Variants in NFIX observed in about 807,000 individuals in gnomAD.
NFIX encodes the protein nuclear factor 1 X-type.
Under a neutral mutation model 53.3 loss-of-function variants are expected in NFIX, and 2 were observed. The ratio of observed to expected loss-of-function variants is 0.04; its 90% CI spans 0.02 to 0.12. The LOEUF is 0.12. Ranked by LOEUF, NFIX falls within the 10% of genes least tolerant of loss-of-function variation. NFIX has a pLI of 1.00. For missense variants in NFIX, 310 were observed against 674.5 expected (o/e 0.46, Z 5.99); for synonymous variants, 244 against 289.0 (o/e 0.84, Z 1.58).
chr19:13,029,095 G>A (rs1483568709), intron 2 of NFIX, among the ~76,000 whole-genome samples: 1 of 152,158 alleles, frequency 6.6e-6, no homozygotes, highest in Admixed American at 6.5e-5. Flanking sequence ...TAATGATGGA[G>A]AGCTTCCCAC....
At chr19:13,023,080 C>CTCTCTT (rs2013039272) in intron 1 of NFIX, among the ~76,000 whole-genome samples, 1 of 150,696 alleles carries the variant, frequency 6.6e-6, no homozygotes, top group Non-Finnish European at 1.5e-5. Context: ...TTCTCTCTCT[C>CTCTCTT]TCTCTCTCTC....
chr19:13,046,261 G>T (rs1443858637), intron 2 of NFIX, among the ~76,000 whole-genome samples: 1 of 152,174 alleles, frequency 6.6e-6, no homozygotes, highest in African/African-American at 2.4e-5. Flanking sequence ...AGTCTGTGGG[G>T]CTGGGTGAGA....
rs892663379 is a variant in NFIX, at chr19:12,996,032, G to C, written c.27+168G>C. Among the ~76,000 whole-genome samples, 4 of 151,190 alleles carry C rather than the reference G, an allele frequency of 2.6e-5. No homozygotes were observed. Among genetic ancestry groups the C allele is most frequent in the Admixed American group, 2.6e-4 (4 of 15,236 alleles). On this transcript the variant is annotated intron_variant, in intron 1 of 10. Transcript: ENST00000592199. This position sits in a 1 kb window ranked among gnomAD's most constrained non-coding sequence, Gnocchi z 5.2. The stretch of plus-strand genomic sequence containing the variant: ...GGGGAGCCCAGGCACGCGTGCGGGC[G>C]TCACCGTGCGCGTGCGACCCTGGCC...
rs928500313 is a variant in NFIX, at chr19:13,094,057, T to A, written c.1495-578T>A. On this transcript the variant is annotated intron_variant, in intron 10 of 10. Coordinates refer to ENST00000592199, the MANE Select transcript of NFIX (RefSeq NM_001365902.3). The surrounding 1 kb of genome is among the most constrained non-coding windows in gnomAD (Gnocchi z 4.3). ...CCTGAGGGTAGAGGATCCAGCACCA[T>A]GGGCTACGTGGCCCCTCCCCCAGGC... Among the ~76,000 whole-genome samples, 1 of 152,160 alleles carries A rather than the reference T, an allele frequency of 6.6e-6. No individual in the cohort carries two copies. Among genetic ancestry groups the A allele is most frequent in the African/African-American group, 2.4e-5 (1 of 41,428 alleles).
intron 2 of NFIX, among the ~76,000 whole-genome samples, chr19:13,030,659 C>T (rs1235877625): frequency 6.6e-6 from 1 of 152,154 alleles, no homozygotes; most frequent in Admixed American, 6.5e-5. Context: ...TTTTGGTAAC[C>T]ACCTCCTGGA....
intron 2 of NFIX, among the ~76,000 whole-genome samples, chr19:13,038,748 C>T (rs576488878): frequency 2.4e-4 from 37 of 152,298 alleles, no homozygotes; most frequent in African/African-American, 8.7e-4. Context: ...ACTGGGTCAT[C>T]GTTTCTGCTG....
chr19:13,090,214 CCTCT>C lies in NFIX; in HGVS notation c.1403-81_1403-78del. The C allele has an allele frequency of 7.8e-7, 1 of 1,281,316 alleles. No individual in the cohort carries two copies. Among genetic ancestry groups the C allele is most frequent in the Non-Finnish European group, 1.1e-6 (1 of 878,324 alleles). 79.4% of individuals were successfully genotyped at this position (1,281,316 alleles called of 1,614,324 possible). A position where few individuals can be genotyped will look rare whatever the true frequency, so the allele number is the denominator to read the frequency against. On this transcript the variant is annotated intron_variant, in intron 9 of 10. Transcript: ENST00000592199. This position sits in a 1 kb window ranked among gnomAD's most constrained non-coding sequence, Gnocchi z 6.6. ...GCAGCATGGTCTAACTCAGTCTCTC[CCTCT>C]CTCAGCAGCCCCGAGGGGCAGTGCC...
At position 13,040,732 on chromosome 19, in the gene NFIX, T is replaced by C. The variant is rs1037116709; in HGVS notation, c.559+15180T>C. 6.6e-6 allele frequency among the ~76,000 whole-genome samples: 1 copy of C among 152,182 alleles called. No homozygotes were observed. Among genetic ancestry groups the C allele is most frequent in the African/African-American group, 2.4e-5 (1 of 41,442 alleles). ...TATTAACAATGAATTATTAAAGGAA[T>C]GTGAATAGGGAGGGAGGTTTGTCTT... is the stretch of plus-strand genomic sequence containing the variant. On this transcript the variant is annotated intron_variant, in intron 2 of 10. Coordinates refer to ENST00000592199, the MANE Select transcript of NFIX (RefSeq NM_001365902.3). The surrounding 1 kb of genome is among the most constrained non-coding windows in gnomAD (Gnocchi z 4.2).
In NFIX at chr19:13,090,422, G is replaced by A. The variant is rs755604665; in HGVS notation, c.1494+32G>A. 10 of 1,593,396 alleles carry A rather than the reference G, an allele frequency of 6.3e-6. No homozygotes were observed. The Admixed American group carries it at 1.3e-4, about 21-fold the overall frequency. ...GACCCTGCCCACCACCTGGATGCAG[G>A]GACCAGGGGAGTAGTCAGGGTTGGG... On this transcript the variant is annotated intron_variant, in intron 10 of 10. Transcript: ENST00000592199. This position sits in a 1 kb window ranked among gnomAD's most constrained non-coding sequence, Gnocchi z 6.6.
chr19:13,079,125 T>C (rs1391292160), intron 7 of NFIX, among the ~76,000 whole-genome samples: 1 of 152,244 alleles, frequency 6.6e-6, no homozygotes, highest in Non-Finnish European at 1.5e-5. Flanking sequence ...TCCCAGCTCC[T>C]GGCTGAGCCC....
At chr19:13,050,644 T>TAG (rs2015270439) in intron 2 of NFIX, among the ~76,000 whole-genome samples, 1 of 152,170 alleles carries the variant, frequency 6.6e-6, no homozygotes, top group Non-Finnish European at 1.5e-5. Flanking sequence ...TGTCTGCCCC[T>TAG]GCAGACATAC....
At chr19:13,023,181 G>A (rs1487381093) in intron 1 of NFIX, among the ~76,000 whole-genome samples, 1 of 150,006 alleles carries the variant, frequency 6.7e-6, no homozygotes, top group Non-Finnish European at 1.5e-5. Context: ...GAGAGAGAGG[G>A]AGTTTGAGAG....
In NFIX at chr19:12,996,839, G is replaced by T. The variant is rs779106601; in HGVS notation, c.27+975G>T. Among the ~76,000 whole-genome samples the T allele has an allele frequency of 6.6e-6, 1 of 152,266 alleles. No homozygotes were observed. Among genetic ancestry groups the T allele is most frequent in the African/African-American group, 2.4e-5 (1 of 41,474 alleles). On this transcript the variant is annotated intron_variant, in intron 1 of 10. Coordinates refer to ENST00000592199, the MANE Select transcript of NFIX (RefSeq NM_001365902.3). The surrounding 1 kb of genome is among the most constrained non-coding windows in gnomAD (Gnocchi z 5.2). Reference sequence around the variant, plus strand: ...CCTGCAGCGAAGTTCCCTGCGCGGCGCACGGCTGCGGCAAAAGCTTCGAGG... The same window carrying T: ...CCTGCAGCGAAGTTCCCTGCGCGGCTCACGGCTGCGGCAAAAGCTTCGAGG...
In NFIX at chr19:13,060,028, TC is replaced by T. The variant is rs758703326; in HGVS notation, c.560-13017del. 5.9e-5 allele frequency among the ~76,000 whole-genome samples: 9 copies of T among 152,120 alleles called. No individual in the cohort carries two copies. Among genetic ancestry groups the T allele is most frequent in the Non-Finnish European group, 1.0e-4 (7 of 68,000 alleles). Reference sequence around the variant, plus strand: ...GTCTCGAACTCCTGAGCTCAGGCGATCCACTCGCCTCAGCCTCTCAAAGTGC... The same window carrying T: ...GTCTCGAACTCCTGAGCTCAGGCGATCACTCGCCTCAGCCTCTCAAAGTGC... On this transcript the variant is annotated intron_variant, in intron 2 of 10. Transcript: ENST00000592199. The surrounding 1 kb of genome is among the most constrained non-coding windows in gnomAD (Gnocchi z 4.3).
At chr19:13,087,545 G>A (rs973239092) in intron 8 of NFIX, among the ~76,000 whole-genome samples, 1 of 152,024 alleles carries the variant, frequency 6.6e-6, no homozygotes, top group Non-Finnish European at 1.5e-5. Flanking sequence ...AGCTCAGCCC[G>A]ACAGCCCTCA....
At position 13,081,573 on chromosome 19, in the gene NFIX, C is replaced by G. The variant is rs2017467440; in HGVS notation, c.1079-107C>G. The stretch of plus-strand genomic sequence containing the variant: ...GCCTGTGGCGGCTGCCTTACCTGCT[C>G]AGGATCCTCAGGACCCTCTGACCGG... On this transcript the variant is annotated intron_variant, in intron 7 of 10. Coordinates refer to ENST00000592199, the MANE Select transcript of NFIX (RefSeq NM_001365902.3). This position sits in a 1 kb window ranked among gnomAD's most constrained non-coding sequence, Gnocchi z 4.7. The G allele has an allele frequency of 1.7e-6, 2 of 1,195,722 alleles. No individual in the cohort carries two copies. The highest frequency in any genetic ancestry group is 2.4e-5 in the Admixed American group (1 of 40,956). 74.1% of individuals were successfully genotyped at this position (1,195,722 alleles called of 1,614,324 possible).
chr19:13,043,305 T>C lies in NFIX; in HGVS notation c.559+17753T>C, dbSNP rs2014762739. The stretch of plus-strand genomic sequence containing the variant: ...AGCACTGCTAGAAGGGGAGGGACCC[T>C]TGGGGGTCACCGTGGCATGGCAGTT... On this transcript the variant is annotated intron_variant, in intron 2 of 10. Coordinates refer to ENST00000592199, the MANE Select transcript of NFIX (RefSeq NM_001365902.3). The surrounding 1 kb of genome is among the most constrained non-coding windows in gnomAD (Gnocchi z 4.0). Among the ~76,000 whole-genome samples, 1 of 152,210 alleles carries C rather than the reference T, an allele frequency of 6.6e-6. No individual in the cohort carries two copies. The highest frequency in any genetic ancestry group is 2.4e-5 in the African/African-American group (1 of 41,456).
At position 13,028,543 on chromosome 19, in the gene NFIX, G is replaced by C. The variant is rs772498155; in HGVS notation, c.559+2991G>C. On this transcript the variant is annotated intron_variant, in intron 2 of 10. Transcript: ENST00000592199. The surrounding 1 kb of genome is among the most constrained non-coding windows in gnomAD (Gnocchi z 4.2). ...GAATAAAGGACGTGTGTTTGGCGTTGAAACTCCACTCCCAGAATACTGGGT... is the reference window on the plus strand; with the variant it reads ...GAATAAAGGACGTGTGTTTGGCGTTCAAACTCCACTCCCAGAATACTGGGT... Among the ~76,000 whole-genome samples the C allele has an allele frequency of 8.5e-5, 13 of 152,166 alleles. No individual in the cohort carries two copies. The highest frequency in any genetic ancestry group is 1.6e-4 in the Non-Finnish European group (11 of 68,038).
chr19:13,053,006 C>T (rs572370743), intron 2 of NFIX, among the ~76,000 whole-genome samples: 3 of 152,240 alleles, frequency 2.0e-5, no homozygotes, highest in South Asian at 2.1e-4. Flanking sequence ...AGCCTTAAGA[C>T]GTCCCTTCCT....
Sources: gnomAD v4.1 joint callset for allele counts (sites outside exome capture counted in the v4.1 genomes callset) on GRCh38, gnomAD v4.1.1 for gene constraint, Gnocchi (gnomAD v3.1) non-coding constraint, MANE v1.5 for transcripts, NCBI Gene and HGNC (gene_info 2026-07-23, HGNC 2026-07-21) for gene names.